CDH9: variants seen among roughly 807,000 people sequenced by gnomAD.
The protein encoded by CDH9 is cadherin-9.
Under a neutral mutation model 70.9 loss-of-function variants are expected in CDH9, and 28 were observed. The ratio of observed to expected loss-of-function variants is 0.40; its 90% CI spans 0.29 to 0.54. The LOEUF (loss-of-function observed/expected upper bound fraction) is 0.54, where lower values mean the gene tolerates loss of function less well. Among genes scored for constraint, CDH9 ranks in the 20% least tolerant of loss-of-function variants. The probability of loss-of-function intolerance (pLI) is 0.59; values close to 1 mark genes in which losing one functional copy is unlikely to be tolerated. For synonymous variants in CDH9, 409 were observed against 343.1 expected, an observed-to-expected ratio of 1.19 and a Z score of -2.12; for missense variants, 874 against 984.4, an observed-to-expected ratio of 0.89 and a Z score of 1.50.
At chr5:26,994,195 T>C (rs1176662521) in intron 1 of CDH9, among the ~76,000 whole-genome samples, 2 of 152,186 alleles carry the variant, frequency 1.3e-5, no homozygotes, top group Non-Finnish European at 2.9e-5. Flanking sequence ...ATCCATATCT[T>C]ATTTACATGA....
At chr5:27,003,439 G>T (rs1488410837) in intron 1 of CDH9, among the ~76,000 whole-genome samples, 3 of 151,966 alleles carry the variant, frequency 2.0e-5, no homozygotes, top group Non-Finnish European at 4.4e-5. Context: ...TGTAGAAATT[G>T]CAAGAAACAA....
chr5:26,983,187 A>T (rs1453807563), intron 2 of CDH9, among the ~76,000 whole-genome samples: 1 of 152,174 alleles, frequency 6.6e-6, no homozygotes, highest in Non-Finnish European at 1.5e-5. Flanking sequence ...TGTGATGAAC[A>T]AAAGGTCAGG....
chr5:26,941,807 C>T (rs1741666416), intron 2 of CDH9, among the ~76,000 whole-genome samples: 1 of 152,140 alleles, frequency 6.6e-6, no homozygotes, highest in African/African-American at 2.4e-5. Flanking sequence ...GTCAAGGAAA[C>T]TGGGTAATTT....
At chr5:26,968,432 C>T (rs571454053) in intron 2 of CDH9, among the ~76,000 whole-genome samples, 17 of 152,004 alleles carry the variant, frequency 1.1e-4, no homozygotes, top group Admixed American at 5.9e-4. Flanking sequence ...ACTATAGGAG[C>T]GCATCACCAC....
At chr5:26,894,494 C>G (rs541253790) in intron 7 of CDH9, among the ~76,000 whole-genome samples, 1 of 152,078 alleles carries the variant, frequency 6.6e-6, no homozygotes, top group Admixed American at 6.6e-5. Flanking sequence ...ACAGACGATA[C>G]AGAAATAGCT....
chr5:26,963,580 T>A (rs1490346955), intron 2 of CDH9, among the ~76,000 whole-genome samples: 1 of 152,092 alleles, frequency 6.6e-6, no homozygotes, highest in Admixed American at 6.6e-5. Flanking sequence ...CCATTGACCT[T>A]CTTTCAAAAG....
intron 2 of CDH9, among the ~76,000 whole-genome samples, chr5:26,952,000 T>TTTTATTTTAC (rs1553999933): frequency 2.3e-4 from 34 of 150,406 alleles, no homozygotes; most frequent in Non-Finnish European, 4.6e-4. Context: ...TTTTATTTTA[T>TTTTATTTTAC]GACAGAGTAT....
chr5:26,983,431 G>C (rs1419092549), intron 2 of CDH9, among the ~76,000 whole-genome samples: 1 of 152,164 alleles, frequency 6.6e-6, no homozygotes, highest in Non-Finnish European at 1.5e-5. Context: ...TCAAGGAAAA[G>C]ATAAGTTTAG....
intron 2 of CDH9, among the ~76,000 whole-genome samples, chr5:26,930,273 A>G (rs906411116): frequency 6.6e-6 from 1 of 152,064 alleles, no homozygotes; most frequent in Non-Finnish European, 1.5e-5. Flanking sequence ...TTTGTTTGTT[A>G]TAAGTTTATG....
At chr5:26,892,954 C>T (rs548960122) in intron 7 of CDH9, among the ~76,000 whole-genome samples, 45 of 152,096 alleles carry the variant, frequency 3.0e-4, no homozygotes, top group Middle Eastern at 3.4e-3. Flanking sequence ...AGGATGGTCT[C>T]GATCTCATGA....
chr5:26,887,896 G>A (rs1009350793), intron 9 of CDH9, among the ~76,000 whole-genome samples: 2 of 152,120 alleles, frequency 1.3e-5, no homozygotes, highest in Non-Finnish European at 2.9e-5. Context: ...GCTAGAAAGT[G>A]CCAAGGGAGG....
intron 2 of CDH9, among the ~76,000 whole-genome samples, chr5:26,936,970 G>A (rs570362901): frequency 1.3e-5 from 2 of 152,062 alleles, no homozygotes; most frequent in South Asian, 2.1e-4. Context: ...ATGTCACTCG[G>A]GTTTGAAATA....
At chr5:26,984,690 T>G (rs1378669814) in intron 2 of CDH9, among the ~76,000 whole-genome samples, 1 of 152,132 alleles carries the variant, frequency 6.6e-6, no homozygotes, top group Non-Finnish European at 1.5e-5. Context: ...CAATTCTACC[T>G]AAATAATTCA....
At position 27,028,921 on chromosome 5, in the gene CDH9, T is replaced by C. The variant is rs1038387541; in HGVS notation, c.-50+9542A>G. 2.0e-5 allele frequency among the ~76,000 whole-genome samples: 3 copies of C among 152,108 alleles called. No homozygotes were observed. In the East Asian group the frequency reaches 5.9e-4, roughly 30 times the overall value. On this transcript the variant is annotated intron_variant, in intron 1 of 11. Coordinates refer to ENST00000231021, the MANE Select transcript of CDH9 (RefSeq NM_016279.4). Reference sequence around the variant, plus strand: ...CTTGACAAAATTATATTTTGTAGAATGTATCAATAGTTAAAGGAATTGTTG... The same window carrying C: ...CTTGACAAAATTATATTTTGTAGAACGTATCAATAGTTAAAGGAATTGTTG...
chr5:26,926,926 C>CCCG lies in CDH9; in HGVS notation c.229-11003_229-11002insCGG, dbSNP rs1554037341. Among the ~76,000 whole-genome samples, 13 of 143,816 alleles carry CCCG rather than the reference C, an allele frequency of 9.0e-5. 1 individual carries two copies. Among genetic ancestry groups the CCCG allele is most frequent in the African/African-American group, 2.3e-4 (9 of 38,784 alleles). 94.3% of individuals were successfully genotyped at this position (143,816 alleles called of 152,430 possible). On this transcript the variant is annotated intron_variant, in intron 2 of 11. Coordinates refer to ENST00000231021, the MANE Select transcript of CDH9 (RefSeq NM_016279.4). ...GTCAGGCAAAAATACAGCCCCCCCC[C>CCCG]GCAAAAAAAAAAGAAACAAAGAAAG...
chr5:27,026,229 CA>C (rs1743219206), intron 1 of CDH9, among the ~76,000 whole-genome samples: 1 of 151,912 alleles, frequency 6.6e-6, no homozygotes, highest in Non-Finnish European at 1.5e-5. Flanking sequence ...GTCCAGTTCA[CA>C]TTCTTATTAT....
chr5:26,996,677 T>C (rs1742671076), intron 1 of CDH9, among the ~76,000 whole-genome samples: 1 of 151,796 alleles, frequency 6.6e-6, no homozygotes, highest in Non-Finnish European at 1.5e-5. Context: ...CATATATGTG[T>C]ACATGTATAA....
At position 26,991,595 on chromosome 5, in the gene CDH9, T is replaced by A. The variant is rs1296522875; in HGVS notation, c.-49-3213A>T. ...TACCTGGAACAAAATTTTTAACTGA[T>A]CAATTGCCCAAAAATCCTTGTCTCA... On this transcript the variant is annotated intron_variant, in intron 1 of 11. Coordinates refer to ENST00000231021, the MANE Select transcript of CDH9 (RefSeq NM_016279.4). Among the ~76,000 whole-genome samples the A allele has an allele frequency of 2.0e-5, 3 of 152,304 alleles. No homozygotes were observed. In the South Asian group the frequency reaches 6.2e-4, roughly 32 times the overall value.
chr5:26,884,691 G>T (rs1309890177), intron 11 of CDH9, among the ~76,000 whole-genome samples: 2 of 152,182 alleles, frequency 1.3e-5, no homozygotes, highest in Non-Finnish European at 2.9e-5. Flanking sequence ...ATTTCATCCA[G>T]ATAGCTTGAA....
Sources: allele counts gnomAD v4.1 joint callset (sites outside exome capture counted in the v4.1 genomes callset), GRCh38; gene constraint gnomAD v4.1.1; transcripts MANE v1.5; gene names NCBI Gene and HGNC (gene_info 2026-07-23, HGNC 2026-07-21).